The following SAMD4A variants were observed in gnomAD, a reference collection of about 807,000 sequenced individuals.
SAMD4A encodes protein Smaug homolog 1.
In SAMD4A, 33 loss-of-function variants were observed where a neutral mutation model predicts 81.3. That is an observed-to-expected ratio of 0.41 (90% CI 0.31 to 0.54). The LOEUF is 0.54. Ranked by LOEUF, SAMD4A falls within the 20% of genes least tolerant of loss-of-function variation. The pLI is 0.37. For synonymous variants in SAMD4A, 389 were observed against 382.1 expected, an observed-to-expected ratio of 1.02 and a Z score of -0.21; for missense variants, 854 against 951.1, an observed-to-expected ratio of 0.90 and a Z score of 1.34.
intron 6 of SAMD4A, among the ~76,000 whole-genome samples, chr14:54,758,366 C>CT (rs1428923108): frequency 6.6e-6 from 1 of 152,228 alleles, no homozygotes; most frequent in Non-Finnish European, 1.5e-5. Flanking sequence ...CTCAGCTTTC[C>CT]TTTTTCTGAT....
Position 54,751,507 on chromosome 14 carries a change from A to C in SAMD4A, c.1146A>C (p.Glu382Asp). ...KIVISIQKLKERQNLLKSLER... is the reference protein window; with the variant it reads ...KIVISIQKLKDRQNLLKSLER... ...TCATCAGTATTCAGAAGCTCAAAGA[A>C]AGACAAAATCTCCTGAAGTCTTTGG... The change falls in exon 6 of 13, where the codon GAA becomes GAC. Residue 382 changes from glutamate to aspartate, a missense_variant. Physicochemically the swap from Glu to Asp is conservative, Grantham distance 45. This residue lies in a region of SAMD4A where 428 missense variants were observed against 471.2 expected (regional missense o/e 0.91). Coordinates refer to ENST00000554335, the MANE Select transcript of SAMD4A (RefSeq NM_015589.6). The C allele has an allele frequency of 6.2e-7, 1 of 1,609,100 alleles. No homozygotes were observed. Among genetic ancestry groups the C allele is most frequent in the East Asian group, 2.2e-5 (1 of 44,862 alleles).
Position 54,702,197 on chromosome 14 carries a change from A to G in SAMD4A, c.332A>G (p.His111Arg). The G allele has an allele frequency of 1.2e-6, 2 of 1,614,128 alleles. No homozygotes were observed. Among genetic ancestry groups the G allele is most frequent in the Non-Finnish European group, 1.7e-6 (2 of 1,180,010 alleles). The change falls in exon 3 of 13, where the codon CAC becomes CGC. Residue 111 changes from histidine to arginine, a missense_variant. His to Arg is a conservative substitution (Grantham distance 29). Coordinates refer to ENST00000554335, the MANE Select transcript of SAMD4A (RefSeq NM_015589.6). The stretch of plus-strand genomic sequence containing the variant: ...AAACTGCTGCCCAAAATCCTGGCTC[A>G]CTCTATTGAACACAACCAGCACATT... ...YMKLLPKILA[H>R]SIEHNQHIEE...
chr14:54,759,434 C>T (rs938972269), intron 6 of SAMD4A, among the ~76,000 whole-genome samples: 12 of 152,290 alleles, frequency 7.9e-5, no homozygotes, highest in South Asian at 2.1e-4. Flanking sequence ...CTCATGCCCA[C>T]GCTCATTTGG....
chr14:54,704,484 A>G (rs750556228), intron 3 of SAMD4A, among the ~76,000 whole-genome samples: 2 of 152,186 alleles, frequency 1.3e-5, no homozygotes, highest in African/African-American at 4.8e-5. Context: ...AGGTCTTGAC[A>G]TTTAGTACAT....
At chr14:54,753,831 T>G (rs2038172730) in intron 6 of SAMD4A, among the ~76,000 whole-genome samples, 1 of 152,146 alleles carries the variant, frequency 6.6e-6, no homozygotes, top group African/African-American at 2.4e-5. Flanking sequence ...AACCTGAGGT[T>G]TATTTGTTGT....
At chr14:54,745,401 T>C (rs564417136) in intron 4 of SAMD4A, among the ~76,000 whole-genome samples, 1 of 152,296 alleles carries the variant, frequency 6.6e-6, no homozygotes, top group East Asian at 1.9e-4. Context: ...CTGAAATGGC[T>C]TCCTCACTGT....
intron 8 of SAMD4A, among the ~76,000 whole-genome samples, chr14:54,767,479 G>C (rs1469656092): frequency 6.6e-6 from 1 of 152,226 alleles, no homozygotes; most frequent in Non-Finnish European, 1.5e-5. Flanking sequence ...AGGCCTCTGG[G>C]CACTTCCCTG....
In SAMD4A at chr14:54,744,228, C is replaced by T. The variant is rs149529491; in HGVS notation, c.980-4587C>T. On this transcript the variant is annotated intron_variant, in intron 4 of 12. Coordinates refer to ENST00000554335, the MANE Select transcript of SAMD4A (RefSeq NM_015589.6). Reference sequence around the variant, plus strand: ...CTGCATTCGATATTGGGCTCTTCAGCAATATCGATCCCATCTTTCTGTCTT... The same window carrying T: ...CTGCATTCGATATTGGGCTCTTCAGTAATATCGATCCCATCTTTCTGTCTT... Among the ~76,000 whole-genome samples the T allele has an allele frequency of 9.8e-5, 15 of 152,302 alleles. No homozygotes were observed. In the East Asian group the frequency reaches 2.9e-3, roughly 29 times the overall value.
intron 3 of SAMD4A, among the ~76,000 whole-genome samples, chr14:54,731,482 A>G (rs2140906491): frequency 6.6e-6 from 1 of 152,346 alleles, no homozygotes; most frequent in Middle Eastern, 3.4e-3. Context: ...CTCTTAATTC[A>G]AGAAGAATAT....
chr14:54,626,062 G>A (rs1323461640), intron 2 of SAMD4A, among the ~76,000 whole-genome samples: 1 of 94,894 alleles, frequency 1.1e-5, no homozygotes, highest in Non-Finnish European at 2.3e-5. Context: ...GTGTGTGTGC[G>A]CGCGCGCGCG....
intron 2 of SAMD4A, among the ~76,000 whole-genome samples, chr14:54,585,061 C>T (rs1038520908): frequency 2.6e-5 from 4 of 152,056 alleles, no homozygotes; most frequent in Admixed American, 6.6e-5. Context: ...CACAAATATA[C>T]AAAATTAGGT....
intron 2 of SAMD4A, among the ~76,000 whole-genome samples, chr14:54,630,701 G>A (rs1034242142): frequency 1.3e-5 from 2 of 152,072 alleles, no homozygotes; most frequent in African/African-American, 2.4e-5. Context: ...CAGGCTTCTA[G>A]TGATAGGTTG....
chr14:54,716,635 GTCCTCAGT>G (rs1489116522), intron 3 of SAMD4A, among the ~76,000 whole-genome samples: 3 of 152,110 alleles, frequency 2.0e-5, no homozygotes, highest in Non-Finnish European at 4.4e-5. Context: ...TGGGGGTAAG[GTCCTCAGT>G]TCCTGAGGGT....
At chr14:54,598,332 A>G (rs2033966409) in intron 2 of SAMD4A, among the ~76,000 whole-genome samples, 1 of 152,166 alleles carries the variant, frequency 6.6e-6, no homozygotes, top group Admixed American at 6.5e-5. Context: ...AAATATATAC[A>G]TGTAGTTACA....
At chr14:54,718,554 T>TGTTGTTGTTG (rs1555346818) in intron 3 of SAMD4A, among the ~76,000 whole-genome samples, 2 of 134,754 alleles carry the variant, frequency 1.5e-5, no homozygotes, top group Middle Eastern at 3.6e-3. Flanking sequence ...TTTTGGGTTT[T>TGTTGTTGTTG]TTGTTGTTGT....
chr14:54,626,073 CGCGA>C (rs2034755665), intron 2 of SAMD4A, among the ~76,000 whole-genome samples: 2 of 111,466 alleles, frequency 1.8e-5, no homozygotes, highest in African/African-American at 3.8e-5. Context: ...CGCGCGCGCG[CGCGA>C]GTGCGCACAT....
intron 2 of SAMD4A, among the ~76,000 whole-genome samples, chr14:54,618,190 T>G (rs2034535377): frequency 6.6e-6 from 1 of 152,190 alleles, no homozygotes; most frequent in Admixed American, 6.5e-5. Flanking sequence ...CTGATGTACT[T>G]TATTTCCAGT....
rs141273251 is a variant in SAMD4A, at chr14:54,581,297, G to A, written c.196+13185G>A. Among the ~76,000 whole-genome samples, 49 of 152,344 alleles carry A rather than the reference G, an allele frequency of 3.2e-4. No individual in the cohort carries two copies. In the East Asian group the frequency reaches 7.3e-3, roughly 23 times the overall value. ...ATGGGATACAAATTCAGGAATGTGG[G>A]TTTTAAAAGGTTCAGGAAAAGATGA... is the stretch of plus-strand genomic sequence containing the variant. On this transcript the variant is annotated intron_variant, in intron 2 of 12. Transcript: ENST00000554335.
chr14:54,601,298 C>CT (rs1470716835), intron 2 of SAMD4A, among the ~76,000 whole-genome samples: 1 of 152,080 alleles, frequency 6.6e-6, no homozygotes, highest in African/African-American at 2.4e-5. Flanking sequence ...TGGATTAGCT[C>CT]TTTTTTTCTT....
Sources: allele counts gnomAD v4.1 joint callset (sites outside exome capture counted in the v4.1 genomes callset), GRCh38; gene constraint gnomAD v4.1.1; regional missense constraint gnomAD v4.1.1; transcripts MANE v1.5; gene names NCBI Gene and HGNC (gene_info 2026-07-23, HGNC 2026-07-21).